Variants in ADK observed in about 807,000 individuals in gnomAD.
ADK encodes the protein adenosine kinase.
Under a neutral mutation model 44.7 loss-of-function variants are expected in ADK, and 24 were observed. That is an observed-to-expected ratio of 0.54 (90% CI 0.39 to 0.76). The LOEUF (loss-of-function observed/expected upper bound fraction) is 0.76. ADK is among the 30% of genes least tolerant of loss of function. ADK has a pLI of 0.00. For synonymous variants in ADK, 128 were observed against 142.6 expected, an observed-to-expected ratio of 0.90 and a Z score of 0.73; for missense variants, 321 against 425.1, an observed-to-expected ratio of 0.76 and a Z score of 2.15.
intron 9 of ADK, among the ~76,000 whole-genome samples, chr10:74,615,890 G>A (rs888306075): frequency 1.3e-5 from 2 of 151,836 alleles, no homozygotes; most frequent in Non-Finnish European, 2.9e-5. Context: ...TTTATTTTTA[G>A]TAGTGACGGG....
At chr10:74,486,980 A>G (rs1847290165) in intron 6 of ADK, among the ~76,000 whole-genome samples, 1 of 151,968 alleles carries the variant, frequency 6.6e-6, no homozygotes, top group Non-Finnish European at 1.5e-5. Flanking sequence ...TTGCCACTGG[A>G]TCTTTTTTGG....
intron 10 of ADK, among the ~76,000 whole-genome samples, chr10:74,671,038 T>TAAAAAAAAAAAAAAA (rs10670267): frequency 6.1e-5 from 6 of 99,104 alleles, no homozygotes; most frequent in African/African-American, 8.0e-5. Context: ...CAGGTTAATT[T>TAAAAAAAAAAAAAAA]AAAAAAAAAA....
chr10:74,360,761 T>A (rs2131940858), intron 4 of ADK, among the ~76,000 whole-genome samples: 1 of 152,344 alleles, frequency 6.6e-6, no homozygotes, highest in East Asian at 1.9e-4. Flanking sequence ...TAGGTATTCC[T>A]GCCCTTTTCT....
chr10:74,483,985 C>A (rs1847171514), intron 6 of ADK, among the ~76,000 whole-genome samples: 1 of 152,216 alleles, frequency 6.6e-6, no homozygotes, highest in South Asian at 2.1e-4. Context: ...ACTGTTTCAA[C>A]CTCTGTGTGT....
At chr10:74,548,687 G>A (rs1849923856) in intron 7 of ADK, among the ~76,000 whole-genome samples, 1 of 152,160 alleles carries the variant, frequency 6.6e-6, no homozygotes, top group African/African-American at 2.4e-5. Flanking sequence ...CAAAACAAGA[G>A]TGAACATAGT....
intron 6 of ADK, among the ~76,000 whole-genome samples, chr10:74,405,652 C>T (rs902063885): frequency 1.3e-5 from 2 of 152,014 alleles, no homozygotes; most frequent in African/African-American, 4.8e-5. Flanking sequence ...TTATGAGAAT[C>T]TAACTAATGC....
At chr10:74,650,137 T>G (rs1854207273) in intron 9 of ADK, among the ~76,000 whole-genome samples, 1 of 152,176 alleles carries the variant, frequency 6.6e-6, no homozygotes, top group South Asian at 2.1e-4. Flanking sequence ...AAGTAATTGT[T>G]GGCCAGTCGC....
intron 9 of ADK, among the ~76,000 whole-genome samples, chr10:74,610,629 G>A (rs1852505542): frequency 6.6e-6 from 1 of 151,972 alleles, no homozygotes; most frequent in African/African-American, 2.4e-5. Context: ...AACCTAAAGA[G>A]TAAGATGCTG....
intron 2 of ADK, among the ~76,000 whole-genome samples, chr10:74,212,014 G>A (rs1843831898): frequency 6.6e-6 from 1 of 152,122 alleles, no homozygotes; most frequent in Middle Eastern, 3.4e-3. Flanking sequence ...GATAGTCTTT[G>A]GTTATTCTGC....
intron 9 of ADK, among the ~76,000 whole-genome samples, chr10:74,657,124 G>A (rs1854518323): frequency 6.6e-6 from 1 of 151,852 alleles, no homozygotes; most frequent in Admixed American, 6.6e-5. Context: ...CTGGTCTTGA[G>A]CTCCTGGCCT....
chr10:74,697,848 A>T (rs1856263266), intron 10 of ADK, among the ~76,000 whole-genome samples: 2 of 152,094 alleles, frequency 1.3e-5, no homozygotes, highest in Non-Finnish European at 2.9e-5. Context: ...CAGCAATCCT[A>T]CCTCTGTGTG....
chr10:74,457,484 AG>A (rs1349416133), intron 6 of ADK, among the ~76,000 whole-genome samples: 21 of 152,248 alleles, frequency 1.4e-4, no homozygotes, highest in African/African-American at 5.1e-4. Flanking sequence ...AACTAGAACC[AG>A]AAATACCATT....
chr10:74,406,068 A>G (rs1025521477), intron 6 of ADK, among the ~76,000 whole-genome samples: 10 of 152,062 alleles, frequency 6.6e-5, no homozygotes, highest in Non-Finnish European at 1.3e-4. Flanking sequence ...TCCTTATACC[A>G]TATTCTGGAA....
intron 7 of ADK, among the ~76,000 whole-genome samples, chr10:74,567,456 C>G (rs1443011132): frequency 1.3e-5 from 2 of 152,180 alleles, no homozygotes; most frequent in Admixed American, 6.5e-5. Context: ...TAACCCATTG[C>G]AGACTAAATC....
intron 3 of ADK, among the ~76,000 whole-genome samples, chr10:74,264,468 C>T (rs558446867): frequency 6.6e-6 from 1 of 152,168 alleles, no homozygotes; most frequent in African/African-American, 2.4e-5. Context: ...ATGTCCTTTA[C>T]TCATTTTTTC....
At chr10:74,437,775 A>G (rs1310630153) in intron 6 of ADK, among the ~76,000 whole-genome samples, 1 of 152,204 alleles carries the variant, frequency 6.6e-6, no homozygotes, top group Admixed American at 6.5e-5. Flanking sequence ...GCTGCCAATG[A>G]TTGCTCATAG....
chr10:74,674,253 T>C (rs568973994), intron 10 of ADK, among the ~76,000 whole-genome samples: 39 of 152,272 alleles, frequency 2.6e-4, no homozygotes, highest in African/African-American at 8.7e-4. Context: ...GAAATGGTCT[T>C]GTTAGTTGGA....
intron 3 of ADK, among the ~76,000 whole-genome samples, chr10:74,281,472 A>T (rs2132446104): frequency 6.6e-6 from 1 of 152,336 alleles, no homozygotes; most frequent in East Asian, 1.9e-4. Flanking sequence ...ACTTGCAACT[A>T]GTGTAGCTAC....
chr10:74,155,780 G>T (rs915884910), intron 1 of ADK, among the ~76,000 whole-genome samples: 2 of 151,920 alleles, frequency 1.3e-5, no homozygotes, highest in Non-Finnish European at 2.9e-5. Flanking sequence ...TGATCCACCC[G>T]CCTCAGCCTC....
Sources: allele counts gnomAD v4.1 joint callset (sites outside exome capture counted in the v4.1 genomes callset), GRCh38; gene constraint gnomAD v4.1.1; transcripts MANE v1.5; gene names NCBI Gene and HGNC (gene_info 2026-07-23, HGNC 2026-07-21).